Variants in PPP2R3A observed in about 807,000 individuals in gnomAD.
The protein encoded by PPP2R3A is protein phosphatase 2 regulatory subunit B''alpha.
In PPP2R3A, 80 loss-of-function variants were observed where a neutral mutation model predicts 106.9. That is an observed-to-expected ratio of 0.75 (90% CI 0.62 to 0.90). The LOEUF (loss-of-function observed/expected upper bound fraction) is 0.90. Among genes scored for constraint, PPP2R3A ranks in the 40% least tolerant of loss-of-function variants. The pLI is 0.00. For missense variants in PPP2R3A, 1,386 were observed against 1,350.4 expected, an observed-to-expected ratio of 1.03 and a Z score of -0.41; for synonymous variants, 483 against 468.3, an observed-to-expected ratio of 1.03 and a Z score of -0.41.
At position 136,070,552 on chromosome 3, in the gene PPP2R3A, G is replaced by A. The variant is rs747170603; in HGVS notation, c.2544G>A (p.Thr848=). The change falls in exon 6 of 14, where the codon ACG becomes ACA. Residue 848 remains threonine, a splice_region_variant and synonymous_variant. Transcript: ENST00000264977. ...AATTCCACTCCCGCTACATCACCACGGTAGGCTGAGTCATCTTTTTTCTTA... is the reference window on the plus strand; with the variant it reads ...AATTCCACTCCCGCTACATCACCACAGTAGGCTGAGTCATCTTTTTTCTTA... ...APEFHSRYIT[T]VIQRIFYTVN... is the part of the protein sequence containing the mutation. 1.6e-5 allele frequency: 26 copies of A among 1,604,074 alleles called. No homozygotes were observed. Among genetic ancestry groups the A allele is most frequent in the Non-Finnish European group, 2.0e-5 (24 of 1,175,742 alleles).
rs558785728 is a variant in PPP2R3A, at chr3:136,058,264, A to G, written c.2469+8903A>G. ...GGAGACGACATGATCCTATATTTCA[A>G]AAACCCCCCAGTCTCAGCCCAAAAG... On this transcript the variant is annotated intron_variant, in intron 5 of 13. Transcript: ENST00000264977. Among the ~76,000 whole-genome samples the G allele has an allele frequency of 1.1e-4, 17 of 152,194 alleles. No homozygotes were observed. In the East Asian group the frequency reaches 3.1e-3, roughly 28 times the overall value.
rs187117111 is a variant in PPP2R3A at position 136,058,621 on chromosome 3, C to T, written c.2469+9260C>T. The stretch of plus-strand genomic sequence containing the variant: ...ATTTATAGATTCAGTGTTAAACTAC[C>T]ATTGACATTCTTTACAGAAATAGGA... On this transcript the variant is annotated intron_variant, in intron 5 of 13. Transcript: ENST00000264977. 3.9e-5 allele frequency among the ~76,000 whole-genome samples: 6 copies of T among 152,112 alleles called. No individual in the cohort carries two copies. In the East Asian group the frequency reaches 7.7e-4, roughly 20 times the overall value.
intron 3 of PPP2R3A, among the ~76,000 whole-genome samples, chr3:136,030,786 G>T (rs78936763): frequency 2.4e-5 from 2 of 84,700 alleles, no homozygotes; most frequent in Non-Finnish European, 5.4e-5. Context: ...ATATATGTAT[G>T]TATGTATGTA....
intron 13 of PPP2R3A, among the ~76,000 whole-genome samples, chr3:136,112,026 G>C (rs1576319299): frequency 1.3e-5 from 2 of 152,030 alleles, no homozygotes; most frequent in South Asian, 2.1e-4. Flanking sequence ...CACATGAATA[G>C]AACAAAAAAC....
intron 3 of PPP2R3A, among the ~76,000 whole-genome samples, chr3:136,030,561 T>C (rs921754324): frequency 3.9e-5 from 6 of 152,008 alleles, no homozygotes; most frequent in African/African-American, 1.4e-4. Context: ...TCCCACCCTT[T>C]ACCCCTTAGT....
intron 13 of PPP2R3A, among the ~76,000 whole-genome samples, chr3:136,107,118 T>C (rs140463772): frequency 1.3e-5 from 2 of 152,092 alleles, no homozygotes; most frequent in Non-Finnish European, 2.9e-5. Context: ...ATTTGACTCC[T>C]TGGATCACTT....
At chr3:136,096,603 G>C (rs1937221063) in intron 10 of PPP2R3A, among the ~76,000 whole-genome samples, 1 of 152,176 alleles carries the variant, frequency 6.6e-6, no homozygotes, top group Admixed American at 6.5e-5. Flanking sequence ...CCTTTGTTAT[G>C]CCTAAGGGCA....
At chr3:136,071,104 C>T (rs1936416212) in intron 6 of PPP2R3A, among the ~76,000 whole-genome samples, 1 of 152,348 alleles carries the variant, frequency 6.6e-6, no homozygotes, top group East Asian at 1.9e-4. Context: ...CACACAGGCC[C>T]ACAGGGCACG....
At chr3:136,067,494 A>T (rs1442215088) in intron 5 of PPP2R3A, among the ~76,000 whole-genome samples, 5 of 152,176 alleles carry the variant, frequency 3.3e-5, no homozygotes, top group Admixed American at 3.3e-4. Context: ...AGTTAAGTGG[A>T]CTCCTTGAGT....
At chr3:136,095,145 TC>T (rs1336292554) in intron 10 of PPP2R3A, among the ~76,000 whole-genome samples, 1 of 152,142 alleles carries the variant, frequency 6.6e-6, no homozygotes, top group Non-Finnish European at 1.5e-5. Flanking sequence ...GTTTTTTTTT[TC>T]TATGGGGGGA....
At chr3:135,977,802 C>A (rs758228315) in intron 1 of PPP2R3A, among the ~76,000 whole-genome samples, 1 of 147,656 alleles carries the variant, frequency 6.8e-6, no homozygotes, top group South Asian at 2.1e-4. Context: ...CGGGCTCAAG[C>A]GATTCTCCAG....
At chr3:136,119,895 A>T (rs1255003739) in intron 13 of PPP2R3A, among the ~76,000 whole-genome samples, 1 of 152,250 alleles carries the variant, frequency 6.6e-6, no homozygotes, top group Non-Finnish European at 1.5e-5. Flanking sequence ...TCTGAAAGAC[A>T]CATGCACACA....
chr3:135,995,657 G>C (rs2400733), intron 1 of PPP2R3A, among the ~76,000 whole-genome samples: 1 of 151,900 alleles, frequency 6.6e-6, no homozygotes, highest in African/African-American at 2.4e-5. Context: ...ATTTTTAGTA[G>C]AGATGGGGTC....
chr3:136,112,954 A>G (rs941448198), intron 13 of PPP2R3A, among the ~76,000 whole-genome samples: 3 of 151,932 alleles, frequency 2.0e-5, no homozygotes, highest in South Asian at 2.1e-4. Flanking sequence ...CCAACATGAT[A>G]AAACCCCGTC....
intron 13 of PPP2R3A, among the ~76,000 whole-genome samples, chr3:136,109,812 A>G (rs528845645): frequency 6.6e-6 from 1 of 152,338 alleles, no homozygotes; most frequent in Non-Finnish European, 1.5e-5. Context: ...GAAGGAAAGC[A>G]GATGGGATCA....
At chr3:135,982,989 A>G (rs955240093) in intron 1 of PPP2R3A, among the ~76,000 whole-genome samples, 4 of 152,138 alleles carry the variant, frequency 2.6e-5, no homozygotes, top group African/African-American at 9.7e-5. Flanking sequence ...CACTCTTCCA[A>G]TTGGCAAGCT....
chr3:136,027,946 A>G (rs1325653916), intron 3 of PPP2R3A, among the ~76,000 whole-genome samples: 1 of 152,232 alleles, frequency 6.6e-6, no homozygotes, highest in African/African-American at 2.4e-5. Context: ...CCCTGCTTTC[A>G]GGAGTAATGT....
intron 5 of PPP2R3A, among the ~76,000 whole-genome samples, chr3:136,069,189 A>G (rs780034631): frequency 3.3e-5 from 5 of 152,206 alleles, no homozygotes; most frequent in Admixed American, 6.5e-5. Flanking sequence ...TTATCACTAT[A>G]CTATTGTTTG....
chr3:136,104,289 T>C (rs894319975), intron 12 of PPP2R3A, among the ~76,000 whole-genome samples: 1 of 135,652 alleles, frequency 7.4e-6, no homozygotes, highest in Non-Finnish European at 1.6e-5. Context: ...TTTATATTTG[T>C]TTCTTTCTTT....
Sources: allele counts gnomAD v4.1 joint callset (sites outside exome capture counted in the v4.1 genomes callset), GRCh38; gene constraint gnomAD v4.1.1; transcripts MANE v1.5; gene names NCBI Gene and HGNC (gene_info 2026-07-23, HGNC 2026-07-21).